The following FANCD2 variants were observed in gnomAD, a reference collection of about 807,000 sequenced individuals.
FANCD2 encodes Fanconi anemia group D2 protein.
A neutral mutation model predicts 192.3 loss-of-function variants in FANCD2; 131 were observed. That is an observed-to-expected ratio of 0.68 (90% CI 0.59 to 0.79). FANCD2 has a LOEUF of 0.79. Ranked by LOEUF, FANCD2 falls within the 30% of genes least tolerant of loss-of-function variation. The pLI is 0.00. For missense variants in FANCD2, 1,508 were observed against 1,701.6 expected (o/e 0.89, Z 2.00); for synonymous variants, 524 against 612.5 (o/e 0.86, Z 2.13).
intron 18 of FANCD2, 53 bp downstream of exon 18, chr3:10,052,550 C>T (rs1442843520): frequency 1.7e-6 from 2 of 1,210,876 alleles, no homozygotes; most frequent in Admixed American, 1.7e-5. Flanking sequence ...CAGAGTCTAG[C>T]TCTGTCTCCT....
chr3:10,041,840 CTCTT>C (rs762344233), intron 10 of FANCD2, 130 bp downstream of exon 10: 3 of 636,186 alleles, frequency 4.7e-6, no homozygotes, highest in African/African-American at 2.5e-5. Context: ...TTTGATATCT[CTCTT>C]TTTTTTTTTT....
chr3:10,055,572 G>A lies in FANCD2; in HGVS notation c.1656+3075G>A, dbSNP rs550834524. Among the ~76,000 whole-genome samples the A allele has an allele frequency of 6.4e-3, 970 of 152,174 alleles. 3 individuals are homozygous for A. The highest frequency in any genetic ancestry group is 9.2e-3 in the Non-Finnish European group (624 of 67,996). ...TCACGCCTGTAATCCCAGCACTTTG[G>A]GAGGCTGAGGCGGGCAGATCATGAG... On this transcript the variant is annotated intron_variant, in intron 18 of 43. Transcript: ENST00000675286.
chr3:10,077,313 T>C (rs1444540908), intron 29 of FANCD2, among the ~76,000 whole-genome samples: 1 of 145,444 alleles, frequency 6.9e-6, no homozygotes, highest in East Asian at 1.9e-4. Context: ...TCACAGCACT[T>C]TGGGAGGCTG....
chr3:10,095,361 C>G, intron 41 of FANCD2, 87 bp downstream of exon 41: 16 of 1,056,952 alleles, frequency 1.5e-5, no homozygotes, highest in Non-Finnish European at 2.3e-5. Context: ...TACCATCCTT[C>G]TTCCTTTATA....
intron 9 of FANCD2, chr3:10,040,682 T>C (rs1465800568): frequency 2.5e-6 from 1 of 397,546 alleles, no homozygotes; most frequent in East Asian, 7.5e-5. Context: ...TCCATCTTAA[T>C]GCAACTTTTT....
intron 17 of FANCD2, among the ~76,000 whole-genome samples, chr3:10,051,340 C>A (rs2087200170): frequency 7.0e-6 from 1 of 142,564 alleles, no homozygotes; most frequent in South Asian, 2.3e-4. Flanking sequence ...GAGATCCCGC[C>A]ACTGCACTCC....
chr3:10,095,412 A>C lies in FANCD2; in HGVS notation c.4038+138A>C, dbSNP rs1694894420. On this transcript the variant is annotated intron_variant, in intron 41 of 43. Transcript: ENST00000675286. ...GTCCAAAGGCAGTTTATTCAGAGCA[A>C]ATCCTTAGTTGCTCCTTGAGATTGG... is the stretch of plus-strand genomic sequence containing the variant. 1.2e-5 allele frequency: 9 copies of C among 733,922 alleles called. No individual in the cohort carries two copies. The South Asian group carries it at 1.3e-4, about 11-fold the overall frequency. 45.5% of individuals were successfully genotyped at this position (733,922 alleles called of 1,614,324 possible).
intron 1 of FANCD2, among the ~76,000 whole-genome samples, chr3:10,027,763 G>T (rs2086489613): frequency 6.6e-6 from 1 of 151,866 alleles, no homozygotes; most frequent in African/African-American, 2.4e-5. Context: ...AAATTAGCCG[G>T]GCGTGGTGGC....
intron 14 of FANCD2, among the ~76,000 whole-genome samples, chr3:10,044,574 A>G (rs539419439): frequency 1.3e-5 from 2 of 152,082 alleles, no homozygotes; most frequent in Admixed American, 1.3e-4. Context: ...GCGACAGTGC[A>G]AGACTCCATC....
At chr3:10,078,537 G>A (rs1693654261) in intron 30 of FANCD2, among the ~76,000 whole-genome samples, 1 of 151,814 alleles carries the variant, frequency 6.6e-6, no homozygotes, top group African/African-American at 2.4e-5. Context: ...TGTATTTTTT[G>A]TAGAGACGGG....
chr3:10,067,349 C>CCAGTA, intron 26 of FANCD2, 32 bp downstream of exon 26: 5 of 1,291,290 alleles, frequency 3.9e-6, no homozygotes, highest in Non-Finnish European at 5.6e-6. Flanking sequence ...GGTAGTACTA[C>CCAGTA]TAGGCCAGTA....
intron 36 of FANCD2, among the ~76,000 whole-genome samples, chr3:10,089,561 C>A (rs537311400): frequency 6.6e-6 from 1 of 152,092 alleles, no homozygotes; most frequent in Non-Finnish European, 1.5e-5. Context: ...CCTCCACCTC[C>A]TGGGTTCAAA....
rs1282762256 is a variant in FANCD2, at chr3:10,040,529, G to A, written c.695+684G>A. The A allele has an allele frequency of 6.6e-6, 3 of 456,512 alleles. No homozygotes were observed. In the Admixed American group the frequency reaches 7.0e-5, roughly 11 times the overall value. 28.3% of individuals were successfully genotyped at this position (456,512 alleles called of 1,614,324 possible). A position where few individuals can be genotyped will look rare whatever the true frequency, so the allele number is the denominator to read the frequency against. The stretch of plus-strand genomic sequence containing the variant: ...CCTATTAAACATCTACCTTCTTTGG[G>A]TTCCTAGGTGATTCATTCTAATGCA... On this transcript the variant is annotated intron_variant, in intron 9 of 43. Transcript: ENST00000675286.
chr3:10,055,064 A>G (rs1268503779), intron 18 of FANCD2, among the ~76,000 whole-genome samples: 1 of 152,042 alleles, frequency 6.6e-6, no homozygotes, highest in East Asian at 1.9e-4. Flanking sequence ...TTCTTGTTCT[A>G]CATCTTAGCT....
intron 7 of FANCD2, 79 bp downstream of exon 7, chr3:10,036,418 T>A (rs538154240): frequency 1.8e-6 from 2 of 1,090,222 alleles, no homozygotes; most frequent in African/African-American, 3.1e-5. Context: ...CTGAAAACTA[T>A]TGGTTTCTCT....
At chr3:10,091,421 A>C (rs1694601910) in intron 37 of FANCD2, among the ~76,000 whole-genome samples, 1 of 150,446 alleles carries the variant, frequency 6.6e-6, no homozygotes, top group African/African-American at 2.4e-5. Flanking sequence ...GCAGTGAGCC[A>C]AGTTTGCACC....
intron 43 of FANCD2, chr3:10,099,141 G>A: frequency 6.8e-7 from 1 of 1,465,214 alleles, no homozygotes; most frequent in South Asian, 1.4e-5. Context: ...TATTTTCTGA[G>A]TGTTGAGAAG....
chr3:10,076,233 A>G (rs1693535455), intron 29 of FANCD2, among the ~76,000 whole-genome samples: 1 of 151,828 alleles, frequency 6.6e-6, no homozygotes, highest in Non-Finnish European at 1.5e-5. Context: ...GAAAACAAGT[A>G]TGAAAGGATT....
chr3:10,075,922 A>G (rs1004031971), intron 29 of FANCD2, among the ~76,000 whole-genome samples: 35 of 151,008 alleles, frequency 2.3e-4, no homozygotes, highest in South Asian at 1.3e-3. Context: ...AATAGAGACG[A>G]GGTTTCACCG....
Sources: gnomAD v4.1 joint callset for allele counts (sites outside exome capture counted in the v4.1 genomes callset) on GRCh38, gnomAD v4.1.1 for gene constraint, MANE v1.5 for transcripts, NCBI Gene and HGNC (gene_info 2026-07-23, HGNC 2026-07-21) for gene names.